Variants in KIRREL3 observed in about 807,000 individuals in gnomAD.
The protein encoded by KIRREL3 is kirre like nephrin family adhesion molecule 3.
A neutral mutation model predicts 89.7 loss-of-function variants in KIRREL3; 36 were observed. That is an observed-to-expected ratio of 0.40 (90% CI 0.31 to 0.53). The LOEUF is 0.53. Ranked by LOEUF, KIRREL3 falls within the 20% of genes least tolerant of loss-of-function variation. KIRREL3 has a pLI of 0.49. For missense variants in KIRREL3, 864 were observed against 1,056.6 expected, an observed-to-expected ratio of 0.82 and a Z score of 2.53; for synonymous variants, 445 against 441.4, an observed-to-expected ratio of 1.01 and a Z score of -0.10.
At chr11:126,888,981 C>A (rs1945802458) in intron 1 of KIRREL3, among the ~76,000 whole-genome samples, 1 of 152,214 alleles carries the variant, frequency 6.6e-6, no homozygotes, top group Admixed American at 6.5e-5. Flanking sequence ...AGATTAAGAT[C>A]CCATACTTAG....
chr11:126,741,311 A>AT (rs1291911800), intron 1 of KIRREL3, among the ~76,000 whole-genome samples: 2 of 152,174 alleles, frequency 1.3e-5, no homozygotes, highest in Non-Finnish European at 2.9e-5. Flanking sequence ...AATTTTAATG[A>AT]TACAGTCTTT....
intron 1 of KIRREL3, among the ~76,000 whole-genome samples, chr11:126,584,914 G>T (rs943168005): frequency 4.4e-4 from 63 of 143,740 alleles, no homozygotes; most frequent in African/African-American, 9.2e-4. Context: ...TTTTTTCTTT[G>T]CTTTTCTTTT....
At chr11:126,660,267 C>T (rs931327173) in intron 1 of KIRREL3, among the ~76,000 whole-genome samples, 2 of 152,186 alleles carry the variant, frequency 1.3e-5, no homozygotes, top group Admixed American at 1.3e-4. Flanking sequence ...GCTTCTCTGT[C>T]ACTTGTGGTG....
chr11:126,629,758 G>C (rs192416503), intron 1 of KIRREL3, among the ~76,000 whole-genome samples: 273 of 152,268 alleles, frequency 1.8e-3, no homozygotes, highest in Admixed American at 5.2e-3. Context: ...TCTCAGGGCT[G>C]GTTGTGTCTT....
chr11:126,567,733 C>T (rs992760370), intron 1 of KIRREL3, among the ~76,000 whole-genome samples: 4 of 150,220 alleles, frequency 2.7e-5, no homozygotes, highest in African/African-American at 9.7e-5. Context: ...GCCTGGCACC[C>T]AGCGGCAAGC....
rs991788057 is a variant in KIRREL3 at position 126,462,859 on chromosome 11, G to A, written c.742+298C>T. On this transcript the variant is annotated intron_variant, in intron 6 of 16. Transcript: ENST00000525144. This position sits in a 1 kb window ranked among gnomAD's most constrained non-coding sequence, Gnocchi z 4.8. ...CTTCCCCTCCAACAGAGGGGCCACC[G>A]GCTAGGCCAGCAGAGGCAGCAGCTG... 6.6e-6 allele frequency among the ~76,000 whole-genome samples: 1 copy of A among 152,126 alleles called. No individual in the cohort carries two copies. The highest frequency in any genetic ancestry group is 2.4e-5 in the African/African-American group (1 of 41,424).
At position 126,715,769 on chromosome 11, in the gene KIRREL3, A is replaced by G. The variant is rs1030628746; in HGVS notation, c.56-152857T>C. On this transcript the variant is annotated intron_variant, in intron 1 of 16. Coordinates refer to ENST00000525144, the MANE Select transcript of KIRREL3 (RefSeq NM_032531.4). The surrounding 1 kb of genome is among the most constrained non-coding windows in gnomAD (Gnocchi z 4.4). ...AGAGACTGCACAAGAGCAAGAGGGA[A>G]GACAGAGAATGTTCAAACACCATCC... Among the ~76,000 whole-genome samples, 9 of 152,214 alleles carry G rather than the reference A, an allele frequency of 5.9e-5. No homozygotes were observed. Among genetic ancestry groups the G allele is most frequent in the African/African-American group, 2.2e-4 (9 of 41,454 alleles).
In KIRREL3 at chr11:126,981,333, T is replaced by C. The variant is rs78643065; in HGVS notation, c.55+19122A>G. ...GATGGCTGCAGTGACCAGTATCAAG[T>C]GATTTCTTATGAGACCCTGAAGAAG... On this transcript the variant is annotated intron_variant, in intron 1 of 16. Coordinates refer to ENST00000525144, the MANE Select transcript of KIRREL3 (RefSeq NM_032531.4). The surrounding 1 kb of genome is among the most constrained non-coding windows in gnomAD (Gnocchi z 4.2). Among the ~76,000 whole-genome samples, 547 of 152,288 alleles carry C rather than the reference T, an allele frequency of 3.6e-3. 1 individual carries two copies. The highest frequency in any genetic ancestry group is 0.012 in the African/African-American group (508 of 41,558).
In KIRREL3 at chr11:126,553,392, T is replaced by A. The variant is rs559339881; in HGVS notation, c.133+9443A>T. On this transcript the variant is annotated intron_variant, in intron 2 of 16. Transcript: ENST00000525144. This position sits in a 1 kb window ranked among gnomAD's most constrained non-coding sequence, Gnocchi z 4.7. Reference sequence around the variant, plus strand: ...CGCAGCACCAGTCTCACTTGCTAGCTGTGTTTAGAGCCTTCCCACTAGGGA... The same window carrying A: ...CGCAGCACCAGTCTCACTTGCTAGCAGTGTTTAGAGCCTTCCCACTAGGGA... Among the ~76,000 whole-genome samples the A allele has an allele frequency of 2.0e-5, 3 of 152,332 alleles. No homozygotes were observed. The highest frequency in any genetic ancestry group is 7.2e-5 in the African/African-American group (3 of 41,582).
At position 126,709,583 on chromosome 11, in the gene KIRREL3, G is replaced by A. The variant is rs141816833; in HGVS notation, c.56-146671C>T. Among the ~76,000 whole-genome samples, 308 of 152,222 alleles carry A rather than the reference G, an allele frequency of 2.0e-3. 3 individuals are homozygous for A. Among genetic ancestry groups the A allele is most frequent in the African/African-American group, 6.5e-3 (268 of 41,534 alleles). ...AGTTAAAATGAGGTCATTAGGGTGC[G>A]TCCTAATCCTGCATGACTGGTGTCC... On this transcript the variant is annotated intron_variant, in intron 1 of 16. Coordinates refer to ENST00000525144, the MANE Select transcript of KIRREL3 (RefSeq NM_032531.4). This position sits in a 1 kb window ranked among gnomAD's most constrained non-coding sequence, Gnocchi z 4.0.
chr11:126,618,125 C>T (rs1408092636), intron 1 of KIRREL3, among the ~76,000 whole-genome samples: 2 of 152,192 alleles, frequency 1.3e-5, no homozygotes, highest in East Asian at 3.9e-4. Flanking sequence ...CACCTCCCCA[C>T]TCCCCTCTCC....
At position 126,780,285 on chromosome 11, in the gene KIRREL3, C is replaced by T. The variant is rs961791545; in HGVS notation, c.56-217373G>A. The stretch of plus-strand genomic sequence containing the variant: ...TGTGTAAGAGCAGCCTATCTTCTTC[C>T]GAGTCCACTAGAGAAGTGTGGCACA... On this transcript the variant is annotated intron_variant, in intron 1 of 16. Coordinates refer to ENST00000525144, the MANE Select transcript of KIRREL3 (RefSeq NM_032531.4). This position sits in a 1 kb window ranked among gnomAD's most constrained non-coding sequence, Gnocchi z 5.3. Among the ~76,000 whole-genome samples, 4 of 152,146 alleles carry T rather than the reference C, an allele frequency of 2.6e-5. No individual in the cohort carries two copies. The highest frequency in any genetic ancestry group is 6.5e-5 in the Admixed American group (1 of 15,284).
rs567492182 is a variant in KIRREL3, at chr11:126,755,949, T to C, written c.56-193037A>G. On this transcript the variant is annotated intron_variant, in intron 1 of 16. Transcript: ENST00000525144. This position sits in a 1 kb window ranked among gnomAD's most constrained non-coding sequence, Gnocchi z 4.3. ...TAATTTTGGAAACTCACTCGTAATT[T>C]CAATCACATCTAGGTGTTATCTTGA... 1.3e-5 allele frequency among the ~76,000 whole-genome samples: 2 copies of C among 152,116 alleles called. No homozygotes were observed. Among genetic ancestry groups the C allele is most frequent in the Non-Finnish European group, 2.9e-5 (2 of 68,022 alleles).
Position 126,817,013 on chromosome 11 carries a change from A to G in KIRREL3, c.55+183442T>C, listed in dbSNP as rs368314365. Among the ~76,000 whole-genome samples, 181 of 152,370 alleles carry G rather than the reference A, an allele frequency of 1.2e-3. 3 individuals carry two copies. In the South Asian group the frequency reaches 0.036, roughly 30 times the overall value. Reference sequence around the variant, plus strand: ...GGAAACACGTTACTTTAGGGAAGGAAGAACCTGTTGCATTAAAAATAGAGC... The same window carrying G: ...GGAAACACGTTACTTTAGGGAAGGAGGAACCTGTTGCATTAAAAATAGAGC... On this transcript the variant is annotated intron_variant, in intron 1 of 16. Transcript: ENST00000525144. The surrounding 1 kb of genome is among the most constrained non-coding windows in gnomAD (Gnocchi z 5.7).
intron 1 of KIRREL3, among the ~76,000 whole-genome samples, chr11:126,770,278 A>T (rs1417993823): frequency 6.6e-6 from 1 of 152,084 alleles, no homozygotes; most frequent in Non-Finnish European, 1.5e-5. Flanking sequence ...CCTGAGAGAG[A>T]TCATAAATTG....
At chr11:126,712,752 G>A (rs1315006944) in intron 1 of KIRREL3, among the ~76,000 whole-genome samples, 1 of 152,172 alleles carries the variant, frequency 6.6e-6, no homozygotes, top group Non-Finnish European at 1.5e-5. Context: ...AGAAAAGTAG[G>A]TGGAGACAGT....
At position 126,562,041 on chromosome 11, in the gene KIRREL3, T is replaced by G. The variant is rs545041126; in HGVS notation, c.133+794A>C. ...AAGCATGGCTGGTGGGAGCCAAGGC[T>G]TCATTTGTCTGACTTTAATGAATAA... On this transcript the variant is annotated intron_variant, in intron 2 of 16. Coordinates refer to ENST00000525144, the MANE Select transcript of KIRREL3 (RefSeq NM_032531.4). The surrounding 1 kb of genome is among the most constrained non-coding windows in gnomAD (Gnocchi z 4.7). Among the ~76,000 whole-genome samples the G allele has an allele frequency of 3.9e-4, 59 of 152,272 alleles. No homozygotes were observed. Among genetic ancestry groups the G allele is most frequent in the Non-Finnish European group, 6.2e-4 (42 of 68,028 alleles).
rs1188436884 is a variant in KIRREL3 at position 126,653,591 on chromosome 11, C to A, written c.56-90679G>T. The stretch of plus-strand genomic sequence containing the variant: ...AAGTGGCATTTTGCAAACTCCAATC[C>A]CCCAGGACCACATGTGAAGGAGCTC... On this transcript the variant is annotated intron_variant, in intron 1 of 16. Coordinates refer to ENST00000525144, the MANE Select transcript of KIRREL3 (RefSeq NM_032531.4). This position sits in a 1 kb window ranked among gnomAD's most constrained non-coding sequence, Gnocchi z 5.4. Among the ~76,000 whole-genome samples, 2 of 152,120 alleles carry A rather than the reference C, an allele frequency of 1.3e-5. No individual in the cohort carries two copies. The highest frequency in any genetic ancestry group is 2.9e-5 in the Non-Finnish European group (2 of 68,022).
chr11:126,431,022 A>G lies in KIRREL3; in HGVS notation c.1696+397T>C. ...GTGAGTGACCTGCTTTTCTGGTGAG[A>G]CTAGCAGCTCTTTATTTTTATTTTG... On this transcript the variant is annotated intron_variant, in intron 14 of 16. Coordinates refer to ENST00000525144, the MANE Select transcript of KIRREL3 (RefSeq NM_032531.4). This position sits in a 1 kb window ranked among gnomAD's most constrained non-coding sequence, Gnocchi z 7.1. 1 of 1,179,920 alleles carries G rather than the reference A, an allele frequency of 8.5e-7. No individual in the cohort carries two copies. The highest frequency in any genetic ancestry group is 3.3e-5 in the South Asian group (1 of 30,602). The allele number at this position is 1,179,920 out of a possible 1,614,324, so 73.1% of individuals were successfully genotyped here.
Sources: gnomAD v4.1 joint callset for allele counts (sites outside exome capture counted in the v4.1 genomes callset) on GRCh38, gnomAD v4.1.1 for gene constraint, Gnocchi (gnomAD v3.1) non-coding constraint, MANE v1.5 for transcripts, NCBI Gene and HGNC (gene_info 2026-07-23, HGNC 2026-07-21) for gene names.